The following SLC14A2 variants were observed in gnomAD, a reference collection of about 807,000 sequenced individuals.
SLC14A2 encodes the protein urea transporter 2.
In SLC14A2, 91 loss-of-function variants were observed where a neutral mutation model predicts 104.6. The ratio of observed to expected loss-of-function variants is 0.87; its 90% confidence interval spans 0.73 to 1.04. The LOEUF (loss-of-function observed/expected upper bound fraction) is 1.04. Ranked by LOEUF, SLC14A2 falls within the 50% of genes least tolerant of loss-of-function variation. The pLI is 0.00. For missense variants in SLC14A2, 1,189 were observed against 1,156.0 expected, an observed-to-expected ratio of 1.03 and a Z score of -0.41; for synonymous variants, 476 against 466.4, an observed-to-expected ratio of 1.02 and a Z score of -0.27.
chr18:45,400,463 T>C (rs145396771), intron 1 of SLC14A2, among the ~76,000 whole-genome samples: 14 of 152,310 alleles, frequency 9.2e-5, no homozygotes, highest in African/African-American at 3.4e-4. Flanking sequence ...TGACAAGAAA[T>C]ATTAGTTTGT....
intron 1 of SLC14A2, among the ~76,000 whole-genome samples, chr18:45,328,633 C>T (rs1194016154): frequency 6.6e-6 from 1 of 152,106 alleles, no homozygotes; most frequent in African/African-American, 2.4e-5. Flanking sequence ...AACAAGTTCC[C>T]AGAAAATCTT....
upstream of SLC14A2, chr18:45,212,986 C>T (rs1185421094): frequency 1.3e-5 from 2 of 152,538 alleles, no homozygotes; most frequent in Non-Finnish European, 2.9e-5. Context: ...TGCTCCAACT[C>T]ACCATTTTGT....
chr18:45,477,314 T>G (rs2087400177), intron 1 of SLC14A2, among the ~76,000 whole-genome samples: 1 of 152,230 alleles, frequency 6.6e-6, no homozygotes, highest in South Asian at 2.1e-4. Flanking sequence ...CAGTGGAAGC[T>G]GCACAACAGC....
At chr18:45,534,393 T>G (rs1362696014) in intron 2 of SLC14A2, among the ~76,000 whole-genome samples, 1 of 152,136 alleles carries the variant, frequency 6.6e-6, no homozygotes, top group Non-Finnish European at 1.5e-5. Context: ...AGACGCGACA[T>G]GCCTGGGACA....
the SLC14A2 span, among the ~76,000 whole-genome samples, chr18:45,188,758 A>G: frequency 6.6e-6 from 1 of 152,210 alleles, no homozygotes; most frequent in Non-Finnish European, 1.5e-5. Flanking sequence ...TAGATGGAGT[A>G]TGAAGGCAGC....
intron 1 of SLC14A2, among the ~76,000 whole-genome samples, chr18:45,331,416 G>A (rs1166507028): frequency 1.3e-5 from 2 of 152,170 alleles, no homozygotes; most frequent in African/African-American, 4.8e-5. Context: ...TCCTGGCCGG[G>A]TGTGGTGGCT....
chr18:45,654,348 T>G (rs1039464727), intron 10 of SLC14A2, among the ~76,000 whole-genome samples: 1 of 152,072 alleles, frequency 6.6e-6, no homozygotes, highest in Non-Finnish European at 1.5e-5. Context: ...CACCTGAAGT[T>G]GAGGACCAGA....
chr18:45,530,851 C>T (rs980112628), intron 2 of SLC14A2, among the ~76,000 whole-genome samples: 3 of 151,826 alleles, frequency 2.0e-5, no homozygotes, highest in South Asian at 2.1e-4. Context: ...CCTCCCCACT[C>T]CCCCCACCCC....
At chr18:45,457,307 T>A (rs1408936378) in intron 1 of SLC14A2, among the ~76,000 whole-genome samples, 1 of 152,096 alleles carries the variant, frequency 6.6e-6, no homozygotes, top group Non-Finnish European at 1.5e-5. Context: ...AAAGCCCCCC[T>A]ACCATCCCAG....
chr18:45,172,104 A>G, the SLC14A2 span, among the ~76,000 whole-genome samples: 1 of 152,106 alleles, frequency 6.6e-6, no homozygotes, highest in Non-Finnish European at 1.5e-5. Context: ...TGCAAATAAG[A>G]TTTGGCTTCG....
intron 3 of SLC14A2, among the ~76,000 whole-genome samples, chr18:45,626,357 C>T (rs558529048): frequency 6.6e-6 from 1 of 152,178 alleles, no homozygotes; most frequent in African/African-American, 2.4e-5. Context: ...ACACCCTTCA[C>T]TCCCACTAGC....
chr18:45,260,131 C>T (rs937359486), intron 1 of SLC14A2, among the ~76,000 whole-genome samples: 5 of 152,134 alleles, frequency 3.3e-5, no homozygotes, highest in Admixed American at 3.3e-4. Context: ...GAAGCAAAAT[C>T]ACGAAATAGG....
chr18:45,467,135 A>G (rs1598864468), intron 1 of SLC14A2, among the ~76,000 whole-genome samples: 1 of 152,134 alleles, frequency 6.6e-6, no homozygotes, highest in African/African-American at 2.4e-5. Context: ...GGGACTTGTG[A>G]TGGGAGAAGT....
At chr18:45,377,186 A>G (rs2085784266) in intron 1 of SLC14A2, among the ~76,000 whole-genome samples, 1 of 151,590 alleles carries the variant, frequency 6.6e-6, no homozygotes, top group African/African-American at 2.4e-5. Context: ...TTTAGTCTAT[A>G]TTAACCCTCA....
At chr18:45,253,732 C>G (rs1261408709) in intron 1 of SLC14A2, among the ~76,000 whole-genome samples, 1 of 152,152 alleles carries the variant, frequency 6.6e-6, no homozygotes, top group African/African-American at 2.4e-5. Flanking sequence ...CAAGTCTTAT[C>G]TTCAGAGAAC....
intron 1 of SLC14A2, among the ~76,000 whole-genome samples, chr18:45,331,597 A>G (rs1336041025): frequency 6.6e-6 from 1 of 151,924 alleles, no homozygotes; most frequent in Non-Finnish European, 1.5e-5. Flanking sequence ...AGGCTGAGGC[A>G]GGAGAATGGC....
At chr18:45,197,388 G>T in the SLC14A2 span, among the ~76,000 whole-genome samples, 2 of 152,070 alleles carry the variant, frequency 1.3e-5, no homozygotes, top group African/African-American at 4.8e-5. Flanking sequence ...GTGTGACCCA[G>T]TAAGAGAAGT....
intron 1 of SLC14A2, among the ~76,000 whole-genome samples, chr18:45,336,206 G>T (rs899829978): frequency 6.6e-6 from 1 of 152,136 alleles, no homozygotes; most frequent in Non-Finnish European, 1.5e-5. Flanking sequence ...CCACTTTCTT[G>T]TTGCCTTGTT....
the SLC14A2 span, among the ~76,000 whole-genome samples, chr18:45,195,895 A>C: frequency 6.6e-6 from 1 of 152,194 alleles, no homozygotes; most frequent in African/African-American, 2.4e-5. Flanking sequence ...AGACAAATCA[A>C]ACAGAGTTTA....
Sources: gnomAD v4.1 joint callset for allele counts (sites outside exome capture counted in the v4.1 genomes callset) on GRCh38, gnomAD v4.1.1 for gene constraint, MANE v1.5 for transcripts, NCBI Gene and HGNC (gene_info 2026-07-23, HGNC 2026-07-21) for gene names.